CDH23: variants seen among roughly 807,000 people sequenced by gnomAD.
The protein encoded by CDH23 is cadherin related 23.
In CDH23, 189 loss-of-function variants were observed where a neutral mutation model predicts 317.1. The observed-to-expected ratio is 0.60, with a 90% CI of 0.53 to 0.67. CDH23 has a LOEUF of 0.67. CDH23 is among the 30% of genes least tolerant of loss of function. CDH23 has a pLI of 0.00. For missense variants in CDH23, 4,401 were observed against 4,592.4 expected, an observed-to-expected ratio of 0.96 and a Z score of 1.20; for synonymous variants, 1,839 against 1,876.8, an observed-to-expected ratio of 0.98 and a Z score of 0.52.
chr10:71,811,081 C>CAAAAA lies in CDH23; in HGVS notation c.9078-216_9078-212dup, dbSNP rs35466313. Among the ~76,000 whole-genome samples the CAAAAA allele has an allele frequency of 2.6e-3, 172 of 67,038 alleles. 3 individuals carry two copies. The highest frequency in any genetic ancestry group is 8.5e-3 in the South Asian group (13 of 1,536). 44.0% of individuals were successfully genotyped at this position (67,038 alleles called of 152,430 possible). A position where few individuals can be genotyped will look rare whatever the true frequency, so the allele number is the denominator to read the frequency against. Reference sequence around the variant, plus strand: ...TGGGCAACAGAGCAAGACTCCATCTCAAAAAAAAAAAAAAAAAAAAAAGGG... The same window carrying CAAAAA: ...TGGGCAACAGAGCAAGACTCCATCTCAAAAAAAAAAAAAAAAAAAAAAAAAAAGGG... On this transcript the variant is annotated intron_variant, in intron 62 of 69. Coordinates refer to ENST00000224721, the MANE Select transcript of CDH23 (RefSeq NM_022124.6).
intron 9 of CDH23, among the ~76,000 whole-genome samples, chr10:71,589,580 C>T (rs571461481): frequency 6.6e-6 from 1 of 152,278 alleles, no homozygotes; most frequent in South Asian, 2.1e-4. Context: ...ATCATGGGTG[C>T]CTGAAGCATG....
intron 28 of CDH23, chr10:71,714,308 G>C (rs1866116152): frequency 6.6e-6 from 1 of 152,050 alleles, no homozygotes; most frequent in African/African-American, 2.4e-5. Context: ...ACACACCCAG[G>C]CTGGGCCACG....
At chr10:71,709,434 G>T (rs889358670) in intron 27 of CDH23, among the ~76,000 whole-genome samples, 30 of 152,204 alleles carry the variant, frequency 2.0e-4, no homozygotes, top group Non-Finnish European at 4.0e-4. Flanking sequence ...GAGCTACATG[G>T]GAGACCCACA....
chr10:71,703,608 G>A (rs1383455904), intron 24 of CDH23, among the ~76,000 whole-genome samples: 2 of 152,228 alleles, frequency 1.3e-5, no homozygotes, highest in African/African-American at 4.8e-5. Flanking sequence ...TATCAGGTTA[G>A]CCTGTTCTCA....
Position 71,533,126 on chromosome 10 carries a change from C to T in CDH23, c.429+21914C>T, listed in dbSNP as rs577321119. On this transcript the variant is annotated intron_variant, in intron 6 of 69. Coordinates refer to ENST00000224721, the MANE Select transcript of CDH23 (RefSeq NM_022124.6). ...TTCTGGCCTCTGCTGGGTGGGACTACGTCTTTGTAGACCATGGATTGCTGG... is the reference window on the plus strand; with the variant it reads ...TTCTGGCCTCTGCTGGGTGGGACTATGTCTTTGTAGACCATGGATTGCTGG... Among the ~76,000 whole-genome samples the T allele has an allele frequency of 2.6e-5, 4 of 152,314 alleles. No homozygotes were observed. The East Asian group carries it at 5.8e-4, about 22-fold the overall frequency.
intron 14 of CDH23, among the ~76,000 whole-genome samples, chr10:71,663,885 C>A (rs112197191): frequency 0.054 from 8,238 of 152,086 alleles, 740 homozygotes; most frequent in African/African-American, 0.19. Context: ...CCTGTAATCC[C>A]AGCTACTCTG....
intron 22 of CDH23, among the ~76,000 whole-genome samples, chr10:71,697,585 A>G (rs1325739718): frequency 6.6e-6 from 1 of 151,826 alleles, no homozygotes; most frequent in Non-Finnish European, 1.5e-5. Context: ...AGGCAAGATG[A>G]TTTTTGAGCC....
intron 6 of CDH23, among the ~76,000 whole-genome samples, chr10:71,524,117 C>A (rs1022382331): frequency 1.3e-5 from 2 of 152,228 alleles, no homozygotes; most frequent in East Asian, 3.8e-4. Context: ...ATAGCTTTGA[C>A]CTTGAGGTGT....
chr10:71,598,250 T>A (rs549745044), intron 9 of CDH23, among the ~76,000 whole-genome samples: 1 of 152,338 alleles, frequency 6.6e-6, no homozygotes, highest in South Asian at 2.1e-4. Context: ...GATCAAAGGC[T>A]GCCCTCTGTT....
At chr10:71,734,565 G>C in intron 33 of CDH23, 91 bp from the exon 34 acceptor site, 1 of 1,606,264 alleles carries the variant, frequency 6.2e-7, no homozygotes, top group South Asian at 1.1e-5. Context: ...AGACACTGCC[G>C]GGAGTGGGGT....
chr10:71,598,827 G>A (rs957259006), intron 9 of CDH23, among the ~76,000 whole-genome samples: 8 of 152,376 alleles, frequency 5.3e-5, no homozygotes, highest in East Asian at 1.9e-4. Flanking sequence ...GGATGGGAGC[G>A]TCTTGGGACA....
intron 9 of CDH23, among the ~76,000 whole-genome samples, chr10:71,591,489 A>G (rs1158039238): frequency 1.3e-5 from 2 of 152,196 alleles, no homozygotes; most frequent in East Asian, 1.9e-4. Context: ...GCAGCTAACC[A>G]TGGAGGCAAA....
chr10:71,734,827 C>T (rs1022397900), intron 34 of CDH23, among the ~76,000 whole-genome samples, 169 bp downstream of exon 34: 2 of 152,236 alleles, frequency 1.3e-5, no homozygotes, highest in African/African-American at 2.4e-5. Context: ...GTTCAGGCCC[C>T]TCTGGGGCAT....
chr10:71,739,679 G>T lies in CDH23; in HGVS notation c.4395G>T (p.Gly1465=). 1 of 1,613,374 alleles carries T rather than the reference G, an allele frequency of 6.2e-7. No individual in the cohort carries two copies. The highest frequency in any genetic ancestry group is 1.3e-5 in the African/African-American group (1 of 75,032). ...CCCTGGCCTCTGGCAACATCGCGGG[G>T]GCCTTTGAGATCGTCACCACCAATG... ...VFSLASGNIA[G]AFEIVTTNDS... is the part of the protein sequence containing the mutation. The change falls in exon 36 of 70, where the codon GGG becomes GGT. Residue 1465 remains glycine (G), a synonymous_variant. Coordinates refer to ENST00000224721, the MANE Select transcript of CDH23 (RefSeq NM_022124.6).
chr10:71,558,966 T>A (rs1194834405), intron 6 of CDH23, among the ~76,000 whole-genome samples: 1 of 152,202 alleles, frequency 6.6e-6, no homozygotes, highest in African/African-American at 2.4e-5. Flanking sequence ...AGAACCCAAC[T>A]AACTCAGACC....
Position 71,716,076 on chromosome 10 carries a change from G to A in CDH23, c.3369+3263G>A, listed in dbSNP as rs773712134. On this transcript the variant is annotated intron_variant, in intron 28 of 69. Transcript: ENST00000224721. Reference sequence around the variant, plus strand: ...AAGGAGCCCAGGCGCTTCCAGAGCCGGAGCTGGGGCTCACTGGGGCTCCCA... The same window carrying A: ...AAGGAGCCCAGGCGCTTCCAGAGCCAGAGCTGGGGCTCACTGGGGCTCCCA... 4.9e-5 allele frequency: 75 copies of A among 1,521,628 alleles called. No homozygotes were observed. In the African/African-American group the frequency reaches 6.7e-4, roughly 13 times the overall value. 94.3% of individuals were successfully genotyped at this position (1,521,628 alleles called of 1,614,324 possible). A position where few individuals can be genotyped will look rare whatever the true frequency, so the allele number is the denominator to read the frequency against.
intron 3 of CDH23, among the ~76,000 whole-genome samples, chr10:71,468,747 G>A (rs1011702026): frequency 6.6e-6 from 1 of 152,108 alleles, no homozygotes; most frequent in Non-Finnish European, 1.5e-5. Context: ...CTCTTAACTC[G>A]AACACTTGTT....
intron 11 of CDH23, among the ~76,000 whole-genome samples, chr10:71,642,573 G>A (rs1862608733): frequency 1.3e-5 from 2 of 151,760 alleles, no homozygotes; most frequent in African/African-American, 4.8e-5. Flanking sequence ...TAATTTTTTT[G>A]TATTTTTGTA....
chr10:71,568,297 C>T (rs769736202), intron 7 of CDH23, among the ~76,000 whole-genome samples: 4 of 152,324 alleles, frequency 2.6e-5, no homozygotes, highest in Non-Finnish European at 5.9e-5. Flanking sequence ...GCACATTTGC[C>T]TGCACCTTCC....
Sources: allele counts gnomAD v4.1 joint callset (sites outside exome capture counted in the v4.1 genomes callset), GRCh38; gene constraint gnomAD v4.1.1; transcripts MANE v1.5; gene names NCBI Gene and HGNC (gene_info 2026-07-23, HGNC 2026-07-21).